Variants in COL28A1 observed in about 807,000 individuals in gnomAD.
COL28A1 encodes collagen alpha-1(XXVIII) chain.
Under a neutral mutation model 150.2 loss-of-function variants are expected in COL28A1, and 161 were observed. The ratio of observed to expected loss-of-function variants is 1.07; its 90% CI spans 0.94 to 1.22. The LOEUF (loss-of-function observed/expected upper bound fraction) is 1.22, where lower values mean the gene tolerates loss of function less well. Among genes scored for constraint, COL28A1 ranks in the 50% most tolerant of loss-of-function variants. The probability of loss-of-function intolerance (pLI) is 0.00; values close to 1 mark genes in which losing one functional copy is unlikely to be tolerated. For missense variants in COL28A1, 1,617 were observed against 1,388.3 expected (o/e 1.16, Z -2.62); for synonymous variants, 552 against 469.7 (o/e 1.18, Z -2.26).
chr7:7,345,325 C>T, the COL28A1 span, among the ~76,000 whole-genome samples: 1 of 151,902 alleles, frequency 6.6e-6, no homozygotes, highest in Non-Finnish European at 1.5e-5. Flanking sequence ...CTATTCAAGG[C>T]TTTTAATATG....
At chr7:7,480,074 T>C (rs1446482727) in intron 13 of COL28A1, among the ~76,000 whole-genome samples, 1 of 152,178 alleles carries the variant, frequency 6.6e-6, no homozygotes, top group Non-Finnish European at 1.5e-5. Flanking sequence ...CACTGAATGA[T>C]GTTTGGGCTT....
At chr7:7,436,581 G>C in intron 22 of COL28A1, 118 bp from the exon 23 acceptor site, 1 of 704,642 alleles carries the variant, frequency 1.4e-6, no homozygotes, top group Non-Finnish European at 2.5e-6. Context: ...CTCAGACCTT[G>C]AGATAGTATA....
chr7:7,360,572 T>TA (rs771007326), intron 33 of COL28A1, 44 bp from the exon 34 acceptor site: 99 of 1,539,414 alleles, frequency 6.4e-5, no homozygotes, highest in Non-Finnish European at 7.5e-5. Context: ...TAATATCAAG[T>TA]AAAAAAAATA....
Position 7,372,920 on chromosome 7 carries a change from G to C in COL28A1, c.2908+78C>G. On this transcript the variant is annotated intron_variant, in intron 32 of 34. Coordinates refer to ENST00000399429, the MANE Select transcript of COL28A1 (RefSeq NM_001037763.3). ...TATTAGCCTCCAGATTTTTCTATTT[G>C]GTCAGGACAAACCAGTGATATGGTA... is the stretch of plus-strand genomic sequence containing the variant. 3 of 1,226,360 alleles carry C rather than the reference G, an allele frequency of 2.4e-6. No homozygotes were observed. The South Asian group carries it at 4.3e-5, about 18-fold the overall frequency. The allele number at this position is 1,226,360 out of a possible 1,614,324, so 76.0% of individuals were successfully genotyped here.
chr7:7,431,295 G>C (rs557213408), intron 25 of COL28A1: 1 of 288,250 alleles, frequency 3.5e-6, no homozygotes, highest in Non-Finnish European at 7.0e-6. Context: ...GGTACACCTA[G>C]TTCTGGTGAC....
At position 7,511,089 on chromosome 7, in the gene COL28A1, A is replaced by C; in HGVS notation, c.927+2T>G. Reference sequence around the variant, plus strand: ...TAAGCAGTTTAAAAACATGTTCCTTACCTTGTCACCTTTTATCCCTGGTTT... The same window carrying C: ...TAAGCAGTTTAAAAACATGTTCCTTCCCTTGTCACCTTTTATCCCTGGTTT... On this transcript the variant is annotated splice_donor_variant, in intron 9 of 34. Transcript: ENST00000399429. LOFTEE classifies it high-confidence loss of function. 6.2e-7 allele frequency: 1 copy of C among 1,612,830 alleles called. No individual in the cohort carries two copies. Among genetic ancestry groups the C allele is most frequent in the South Asian group, 1.1e-5 (1 of 91,006 alleles).
At chr7:7,515,332 A>T (rs1287710244) in intron 8 of COL28A1, among the ~76,000 whole-genome samples, 2 of 152,076 alleles carry the variant, frequency 1.3e-5, no homozygotes, top group Admixed American at 1.3e-4. Flanking sequence ...TGTTTGCCAA[A>T]TTTACTCCCC....
intron 23 of COL28A1, among the ~76,000 whole-genome samples, chr7:7,435,581 C>G (rs1418302878): frequency 2.0e-5 from 3 of 152,200 alleles, no homozygotes; most frequent in Non-Finnish European, 4.4e-5. Context: ...AAGATTCTCC[C>G]TTTACCTTTA....
At chr7:7,401,645 A>C (rs950513020) in intron 27 of COL28A1, among the ~76,000 whole-genome samples, 2 of 151,920 alleles carry the variant, frequency 1.3e-5, no homozygotes, top group Non-Finnish European at 2.9e-5. Context: ...ACCACCCCTT[A>C]TCACTTCCAC....
At chr7:7,390,424 G>A (rs1315044963) in intron 27 of COL28A1, among the ~76,000 whole-genome samples, 1 of 152,166 alleles carries the variant, frequency 6.6e-6, no homozygotes, top group Non-Finnish European at 1.5e-5. Context: ...TTGCATTGAT[G>A]TTCATCAGGA....
At chr7:7,465,203 T>A (rs1002859941) in intron 15 of COL28A1, among the ~76,000 whole-genome samples, 2 of 151,152 alleles carry the variant, frequency 1.3e-5, no homozygotes, top group Non-Finnish European at 3.0e-5. Flanking sequence ...ACCGGGTTCA[T>A]CCCACTAGGG....
intron 9 of COL28A1, among the ~76,000 whole-genome samples, chr7:7,509,053 C>T (rs1249267292): frequency 6.6e-6 from 1 of 152,174 alleles, no homozygotes; most frequent in Non-Finnish European, 1.5e-5. Flanking sequence ...AGGCTTGTCT[C>T]AAACTCCTGA....
chr7:7,412,500 G>A (rs1783847216), intron 27 of COL28A1, among the ~76,000 whole-genome samples: 1 of 152,048 alleles, frequency 6.6e-6, no homozygotes, highest in Non-Finnish European at 1.5e-5. Context: ...CCTTGTTCCT[G>A]GAAAATACAA....
At chr7:7,474,065 T>C (rs1488966041) in intron 15 of COL28A1, among the ~76,000 whole-genome samples, 1 of 139,976 alleles carries the variant, frequency 7.1e-6, no homozygotes, top group Non-Finnish European at 1.5e-5. Context: ...TCTATATATA[T>C]ATGGAATATA....
At chr7:7,529,744 A>G (rs1782242721) in intron 3 of COL28A1, among the ~76,000 whole-genome samples, 1 of 152,216 alleles carries the variant, frequency 6.6e-6, no homozygotes, top group East Asian at 1.9e-4. Context: ...GAAGATGAAT[A>G]AGTAACAACA....
At chr7:7,493,434 T>C (rs1780035329) in intron 11 of COL28A1, among the ~76,000 whole-genome samples, 1 of 152,124 alleles carries the variant, frequency 6.6e-6, no homozygotes, top group Non-Finnish European at 1.5e-5. Flanking sequence ...TGAAATCCCT[T>C]TAGCCTTAGT....
At chr7:7,542,548 A>C in the COL28A1 span, among the ~76,000 whole-genome samples, 39 of 152,364 alleles carry the variant, frequency 2.6e-4, 2 homozygotes, top group South Asian at 7.0e-3. Flanking sequence ...GTGTGATAAC[A>C]TCTATAAAAG....
chr7:7,517,874 C>T (rs771969444), intron 6 of COL28A1, 37 bp from the exon 7 acceptor site: 3 of 1,612,730 alleles, frequency 1.9e-6, no homozygotes, highest in African/African-American at 2.7e-5. Context: ...TTCCACAGCC[C>T]TGAAGAGTGA....
At chr7:7,479,150 C>T (rs1789187408) in intron 13 of COL28A1, among the ~76,000 whole-genome samples, 1 of 152,254 alleles carries the variant, frequency 6.6e-6, no homozygotes, top group Non-Finnish European at 1.5e-5. Context: ...TTGGTGTCTA[C>T]AGAGGTCCTT....
Sources: allele counts gnomAD v4.1 joint callset (sites outside exome capture counted in the v4.1 genomes callset), GRCh38; gene constraint gnomAD v4.1.1; transcripts MANE v1.5; gene names NCBI Gene and HGNC (gene_info 2026-07-23, HGNC 2026-07-21).